ABCA8: variants seen among roughly 807,000 people sequenced by gnomAD.
ABCA8 encodes the protein ABC-type organic anion transporter ABCA8.
ABCA8 carries 177 observed loss-of-function variants against 192.3 expected under a neutral mutation model. The observed-to-expected ratio is 0.92, with a 90% CI of 0.81 to 1.04. ABCA8 has a LOEUF of 1.04. ABCA8 is among the 50% of genes least tolerant of loss of function. ABCA8 has a pLI of 0.00. For missense variants in ABCA8, 1,915 were observed against 1,904.8 expected, an observed-to-expected ratio of 1.01 and a Z score of -0.10; for synonymous variants, 642 against 690.2, an observed-to-expected ratio of 0.93 and a Z score of 1.09.
At chr17:68,895,568 A>G (rs932855653) in intron 21 of ABCA8, among the ~76,000 whole-genome samples, 3 of 152,202 alleles carry the variant, frequency 2.0e-5, no homozygotes, top group Non-Finnish European at 4.4e-5. Context: ...AAATCTCAGT[A>G]AGAACACTGA....
intron 9 of ABCA8, among the ~76,000 whole-genome samples, chr17:68,928,528 T>A (rs2067763658): frequency 6.6e-6 from 1 of 152,210 alleles, no homozygotes; most frequent in African/African-American, 2.4e-5. Context: ...ATCCTTTTGT[T>A]AAACACTAAA....
chr17:68,875,698 C>T lies in ABCA8; in HGVS notation c.4406G>A (p.Arg1469Lys), dbSNP rs2066185615. The change falls in exon 36 of 40, where the codon AGG (arginine) becomes AAG (lysine). Residue 1469 changes from arginine to lysine, a missense_variant. Coordinates refer to ENST00000586539, the MANE Select transcript of ABCA8 (RefSeq NM_001288985.2). ...GTAGTGGGTGGTTAGGAGGGCACCC[C>T]TTTCCGTGTTTCTAAAGGTGGCCCG... ...AIRATFRNTE[R>K]GALLTTHYMA... 6.2e-7 allele frequency: 1 copy of T among 1,614,148 alleles called. No homozygotes were observed. Among genetic ancestry groups the T allele is most frequent in the Non-Finnish European group, 8.5e-7 (1 of 1,179,992 alleles).
intron 19 of ABCA8, among the ~76,000 whole-genome samples, chr17:68,903,990 T>C (rs1368008176): frequency 6.6e-6 from 1 of 152,150 alleles, no homozygotes; most frequent in Non-Finnish European, 1.5e-5. Flanking sequence ...ATGCTGTCCA[T>C]TGTATAATGC....
At chr17:68,916,205 A>T (rs2067357290) in intron 17 of ABCA8, among the ~76,000 whole-genome samples, 2 of 152,118 alleles carry the variant, frequency 1.3e-5, no homozygotes, top group Admixed American at 1.3e-4. Context: ...AGTATTTGAT[A>T]GCACATTCTT....
At chr17:68,946,256 T>TG (rs1459322584) in intron 2 of ABCA8, among the ~76,000 whole-genome samples, 4 of 151,994 alleles carry the variant, frequency 2.6e-5, no homozygotes, top group Admixed American at 1.3e-4. Context: ...TTAGTAGAGA[T>TG]GGGGTCTCAC....
intron 9 of ABCA8, among the ~76,000 whole-genome samples, 157 bp from the exon 10 acceptor site, chr17:68,928,220 C>G (rs2067757062): frequency 6.6e-6 from 1 of 152,128 alleles, no homozygotes; most frequent in Admixed American, 6.5e-5. Flanking sequence ...AAATCTATGC[C>G]TTGGAAGGCA....
At chr17:68,907,926 C>A in intron 17 of ABCA8, 47 bp from the exon 18 acceptor site, 1 of 1,485,832 alleles carries the variant, frequency 6.7e-7, no homozygotes, top group South Asian at 1.5e-5. Context: ...TCGACATAGT[C>A]TCCAATAGCA....
At chr17:68,924,933 T>A in intron 10 of ABCA8, 64 bp from the exon 11 acceptor site, 1 of 1,539,958 alleles carries the variant, frequency 6.5e-7, no homozygotes, top group East Asian at 2.3e-5. Flanking sequence ...AGAGTCACAG[T>A]AATGTAGCAC....
chr17:68,923,209 T>G (rs201074731), intron 11 of ABCA8, among the ~76,000 whole-genome samples: 1 of 89,256 alleles, frequency 1.1e-5, no homozygotes, highest in East Asian at 2.3e-4. Context: ...TATTATTATT[T>G]TTTTTTTTGA....
In ABCA8 at chr17:68,894,997, G is replaced by T. The variant is rs2066708372; in HGVS notation, c.2781C>A (p.Asp927Glu). 2 of 1,610,152 alleles carry T rather than the reference G, an allele frequency of 1.2e-6. No homozygotes were observed. The highest frequency in any genetic ancestry group is 4.5e-5 in the East Asian group (2 of 44,768). The change falls in exon 22 of 40, where the codon GAC becomes GAA. Residue 927 changes from aspartate (D) to glutamate (E), a missense_variant. Transcript: ENST00000586539. ...TCTGGTGCTCCACAGACTGTATAAA[G>T]TCATCAATGCTTGCCCCTAAGGTGT... Reference protein sequence around the residue: ...IINKTGASIDDFIQSVEHQNI... With the variant: ...IINKTGASIDEFIQSVEHQNI...
chr17:68,889,743 C>CT (rs1269922216), intron 24 of ABCA8, among the ~76,000 whole-genome samples: 5 of 152,128 alleles, frequency 3.3e-5, no homozygotes, highest in African/African-American at 1.2e-4. Context: ...TGCCTTCTGT[C>CT]ACTATAGATT....
chr17:68,950,911 G>A (rs1326459130), intron 1 of ABCA8, among the ~76,000 whole-genome samples: 3 of 152,110 alleles, frequency 2.0e-5, no homozygotes, highest in Admixed American at 1.3e-4. Context: ...GAAGAAGGGA[G>A]GTGTGATGTC....
chr17:68,948,872 T>G (rs1013324430), intron 2 of ABCA8, among the ~76,000 whole-genome samples: 19 of 152,224 alleles, frequency 1.2e-4, no homozygotes, highest in African/African-American at 4.3e-4. Context: ...TTTATGGTTT[T>G]GGGTTTTACA....
Position 68,929,612 on chromosome 17 carries a change from C to G in ABCA8, c.888G>C (p.Leu296Phe), listed in dbSNP as rs181049116. 1 of 1,613,548 alleles carries G rather than the reference C, an allele frequency of 6.2e-7. No homozygotes were observed. Among genetic ancestry groups the G allele is most frequent in the African/African-American group, 1.3e-5 (1 of 74,938 alleles). ...GGCTGAAGACTACCATGAAGCCAGA[C>G]AAAATGATAAACTGGGTAGATCTTA... Reference protein sequence around the residue: ...LVIRSTQFIILSGFMVVFSLF... With the variant: ...LVIRSTQFIIFSGFMVVFSLF... Residue 296 changes from leucine to phenylalanine, a missense_variant, in exon 8 of 40, where the codon TTG becomes TTC. Coordinates refer to ENST00000586539, the MANE Select transcript of ABCA8 (RefSeq NM_001288985.2).
At chr17:68,880,053 T>G (rs2066295324) in intron 32 of ABCA8, 1 of 152,208 alleles carries the variant, frequency 6.6e-6, no homozygotes, top group South Asian at 2.1e-4. Context: ...GGTGCCAGGC[T>G]GCCGGTTCTA....
chr17:68,935,082 AC>A (rs1165570081), intron 5 of ABCA8, among the ~76,000 whole-genome samples: 8 of 137,934 alleles, frequency 5.8e-5, no homozygotes, highest in Admixed American at 2.1e-4. Context: ...ACACTTTATC[AC>A]CTTTTTTTTT....
chr17:68,954,549 G>C (rs925287384), intron 1 of ABCA8, among the ~76,000 whole-genome samples: 1 of 152,032 alleles, frequency 6.6e-6, no homozygotes, highest in African/African-American at 2.4e-5. Flanking sequence ...CTCTTATACT[G>C]TTGTAAAATT....
intron 19 of ABCA8, among the ~76,000 whole-genome samples, chr17:68,904,781 C>A (rs1297506028): frequency 6.6e-6 from 1 of 152,144 alleles, no homozygotes; most frequent in Non-Finnish European, 1.5e-5. Context: ...CAAGAAGCTG[C>A]ATAGTGTCTT....
chr17:68,881,105 A>C lies in ABCA8; in HGVS notation c.4038+15T>G. 6.4e-7 allele frequency: 1 copy of C among 1,567,702 alleles called. No homozygotes were observed. The highest frequency in any genetic ancestry group is 1.7e-4 in the Middle Eastern group (1 of 5,736). On this transcript the variant is annotated intron_variant, in intron 32 of 39. Transcript: ENST00000586539. Reference sequence around the variant, plus strand: ...TTCACCATTAGATAACATATTTTCCACATAATTCACCTACTTGTCCAGCAG... The same window carrying C: ...TTCACCATTAGATAACATATTTTCCCCATAATTCACCTACTTGTCCAGCAG...
Sources: allele counts gnomAD v4.1 joint callset (sites outside exome capture counted in the v4.1 genomes callset), GRCh38; gene constraint gnomAD v4.1.1; transcripts MANE v1.5; gene names NCBI Gene and HGNC (gene_info 2026-07-23, HGNC 2026-07-21).